Variants in SLC25A13 observed in about 807,000 individuals in gnomAD.
The protein encoded by SLC25A13 is electrogenic aspartate/glutamate antiporter SLC25A13, mitochondrial.
A neutral mutation model predicts 85.5 loss-of-function variants in SLC25A13; 70 were observed. That is an observed-to-expected ratio of 0.82 (90% CI 0.68 to 1.00). SLC25A13 has a LOEUF of 1.00. Ranked by LOEUF, SLC25A13 falls within the 50% of genes least tolerant of loss-of-function variation. SLC25A13 has a pLI of 0.00. For synonymous variants in SLC25A13, 259 were observed against 288.7 expected (o/e 0.90, Z 1.04); for missense variants, 765 against 819.8 (o/e 0.93, Z 0.82).
intron 2 of SLC25A13, among the ~76,000 whole-genome samples, chr7:96,287,806 G>A (rs1798947783): frequency 6.6e-6 from 1 of 152,204 alleles, no homozygotes; most frequent in Admixed American, 6.5e-5. Flanking sequence ...TTAGAAAACA[G>A]AAGTAACAGA....
intron 11 of SLC25A13, among the ~76,000 whole-genome samples, chr7:96,177,691 TTTG>T (rs1037251164): frequency 3.9e-5 from 6 of 152,168 alleles, no homozygotes; most frequent in African/African-American, 1.2e-4. Context: ...GAAATGGATT[TTTG>T]TTGTTGTTGT....
intron 15 of SLC25A13, among the ~76,000 whole-genome samples, chr7:96,124,416 G>A (rs185893575): frequency 3.9e-5 from 6 of 152,164 alleles, no homozygotes; most frequent in East Asian, 3.9e-4. Context: ...AGAAAATATC[G>A]CATTTTCTTC....
Position 96,131,730 on chromosome 7 carries a change from G to C in SLC25A13, c.1591+13C>G. The stretch of plus-strand genomic sequence containing the variant: ...GGTCAGGGAAGTAAGAGAACTCCAT[G>C]GGGGACACTCACCAGCTATGGCACC... On this transcript the variant is annotated intron_variant, in intron 15 of 17. Coordinates refer to ENST00000265631, the MANE Select transcript of SLC25A13 (RefSeq NM_014251.3). 1 of 1,613,714 alleles carries C rather than the reference G, an allele frequency of 6.2e-7. No homozygotes were observed. The highest frequency in any genetic ancestry group is 8.5e-7 in the Non-Finnish European group (1 of 1,179,840).
chr7:96,293,143 G>C (rs927258989), intron 2 of SLC25A13, among the ~76,000 whole-genome samples: 1 of 152,126 alleles, frequency 6.6e-6, no homozygotes, highest in Non-Finnish European at 1.5e-5. Flanking sequence ...ACAACCATCT[G>C]ATCTTTCACA....
rs190712326 is a variant in SLC25A13, at chr7:96,186,195, C to T, written c.934-1184G>A. On this transcript the variant is annotated intron_variant, in intron 9 of 17. Coordinates refer to ENST00000265631, the MANE Select transcript of SLC25A13 (RefSeq NM_014251.3). ...CTGTAATCCCAGCACTTTGGGAGGC[C>T]GAGGTGGGTGGATCACTTGAGGTCA... Among the ~76,000 whole-genome samples the T allele has an allele frequency of 2.5e-3, 375 of 152,114 alleles. 10 individuals are homozygous for T. Among genetic ancestry groups the T allele is most frequent in the Admixed American group, 0.017 (252 of 15,270 alleles).
At chr7:96,251,809 T>A (rs1356607819) in intron 3 of SLC25A13, among the ~76,000 whole-genome samples, 1 of 152,236 alleles carries the variant, frequency 6.6e-6, no homozygotes, top group Admixed American at 6.5e-5. Flanking sequence ...ACATTTACTA[T>A]CTTACTGCCC....
chr7:96,157,881 C>G (rs190044242), intron 13 of SLC25A13, among the ~76,000 whole-genome samples: 257 of 152,326 alleles, frequency 1.7e-3, no homozygotes, highest in Non-Finnish European at 3.1e-3. Context: ...ATCCAGAGTT[C>G]TAACGTACAG....
At chr7:96,307,866 C>G (rs983164369) in intron 1 of SLC25A13, among the ~76,000 whole-genome samples, 1 of 151,948 alleles carries the variant, frequency 6.6e-6, no homozygotes, top group Non-Finnish European at 1.5e-5. Flanking sequence ...TCTGACTCCA[C>G]TGCGGCCGGG....
chr7:96,309,762 C>G (rs189742044), intron 1 of SLC25A13: 2 of 152,276 alleles, frequency 1.3e-5, no homozygotes, highest in Admixed American at 6.5e-5. Context: ...TTATCTCACC[C>G]AAGCCATTTT....
chr7:96,217,674 T>C (rs1388225128), intron 4 of SLC25A13, among the ~76,000 whole-genome samples: 1 of 152,080 alleles, frequency 6.6e-6, no homozygotes, highest in Non-Finnish European at 1.5e-5. Flanking sequence ...ATGTCTAGAA[T>C]AGACAAATCC....
In SLC25A13 at chr7:96,121,146, C is replaced by G; in HGVS notation, c.*45G>C. 1 of 1,594,806 alleles carries G rather than the reference C, an allele frequency of 6.3e-7. No individual in the cohort carries two copies. Among genetic ancestry groups the G allele is most frequent in the Non-Finnish European group, 8.6e-7 (1 of 1,162,392 alleles). Reference sequence around the variant, plus strand: ...TCATTCCCAGGAGGGATGTTCTTTACTGCAGTACCCACAAAAAGACAGCAC... The same window carrying G: ...TCATTCCCAGGAGGGATGTTCTTTAGTGCAGTACCCACAAAAAGACAGCAC... On this transcript the variant is annotated 3_prime_UTR_variant, in exon 18 of 18. Coordinates refer to ENST00000265631, the MANE Select transcript of SLC25A13 (RefSeq NM_014251.3).
intron 13 of SLC25A13, among the ~76,000 whole-genome samples, chr7:96,158,139 A>G (rs1200567642): frequency 6.6e-6 from 1 of 152,226 alleles, no homozygotes; most frequent in Non-Finnish European, 1.5e-5. Context: ...TTGTATCAAC[A>G]AAACAAGGCT....
intron 2 of SLC25A13, among the ~76,000 whole-genome samples, chr7:96,290,358 C>A (rs531863331): frequency 2.6e-5 from 4 of 152,248 alleles, no homozygotes; most frequent in African/African-American, 9.6e-5. Context: ...TAGGGAGAAA[C>A]TGTATGAAGC....
chr7:96,251,216 G>A (rs1459815957), intron 3 of SLC25A13, among the ~76,000 whole-genome samples: 1 of 152,116 alleles, frequency 6.6e-6, no homozygotes, highest in Non-Finnish European at 1.5e-5. Flanking sequence ...TGTTCAAGGT[G>A]CGGCAAGAAG....
chr7:96,304,102 A>C (rs1018883412), intron 1 of SLC25A13, among the ~76,000 whole-genome samples: 7 of 152,142 alleles, frequency 4.6e-5, no homozygotes, highest in African/African-American at 1.2e-4. Flanking sequence ...TTTTTATTGA[A>C]ACCACTGAGT....
rs10522412 is a variant in SLC25A13 at position 96,134,793 on chromosome 7, T to TTATA, written c.1453-2916_1453-2913dup. On this transcript the variant is annotated intron_variant, in intron 14 of 17. Coordinates refer to ENST00000265631, the MANE Select transcript of SLC25A13 (RefSeq NM_014251.3). ...TTAAAAACCAAACATACAAACAATT[T>TTATA]TATATATATATATATATATAACCCT... is the stretch of plus-strand genomic sequence containing the variant. Among the ~76,000 whole-genome samples the TTATA allele has an allele frequency of 3.6e-3, 372 of 102,232 alleles. 22 individuals are homozygous for TTATA. The highest frequency in any genetic ancestry group is 0.013 in the African/African-American group (324 of 24,458). 67.1% of individuals were successfully genotyped at this position (102,232 alleles called of 152,430 possible).
chr7:96,239,779 T>C (rs1328754209), intron 3 of SLC25A13, among the ~76,000 whole-genome samples: 1 of 152,196 alleles, frequency 6.6e-6, no homozygotes, highest in Non-Finnish European at 1.5e-5. Flanking sequence ...CTAGATATTT[T>C]CTGTAAGCAA....
Position 96,204,048 on chromosome 7 carries a change from C to T in SLC25A13, c.468+4790G>A, listed in dbSNP as rs550274191. Among the ~76,000 whole-genome samples the T allele has an allele frequency of 5.9e-5, 9 of 152,304 alleles. No individual in the cohort carries two copies. In the South Asian group the frequency reaches 1.9e-3, roughly 32 times the overall value. On this transcript the variant is annotated intron_variant, in intron 5 of 17. Transcript: ENST00000265631. Reference sequence around the variant, plus strand: ...GCTCTAGAACAGCTGCTCTTTACCACCCTTTTGGGATACTTCTTTGGAAAC... The same window carrying T: ...GCTCTAGAACAGCTGCTCTTTACCATCCTTTTGGGATACTTCTTTGGAAAC...
At chr7:96,297,271 A>T (rs1036651488) in intron 1 of SLC25A13, among the ~76,000 whole-genome samples, 1 of 152,202 alleles carries the variant, frequency 6.6e-6, no homozygotes, top group Non-Finnish European at 1.5e-5. Flanking sequence ...AATCCAGTGT[A>T]AACCATGCCC....
Sources: gnomAD v4.1 joint callset for allele counts (sites outside exome capture counted in the v4.1 genomes callset) on GRCh38, gnomAD v4.1.1 for gene constraint, MANE v1.5 for transcripts, NCBI Gene and HGNC (gene_info 2026-07-23, HGNC 2026-07-21) for gene names.